The following AGXT2 variants were observed in gnomAD, a reference collection of about 807,000 sequenced individuals.
AGXT2 encodes the protein alanine--glyoxylate aminotransferase 2.
A neutral mutation model predicts 62.5 loss-of-function variants in AGXT2; 61 were observed. The observed-to-expected ratio is 0.98, with a 90% confidence interval of 0.79 to 1.21. The LOEUF (loss-of-function observed/expected upper bound fraction) is 1.21. AGXT2 is among the 50% of genes most tolerant of loss of function. The probability of loss-of-function intolerance (pLI) is 0.00; values close to 1 mark genes in which losing one functional copy is unlikely to be tolerated. For missense variants in AGXT2, 666 were observed against 641.5 expected (o/e 1.04, Z -0.41); for synonymous variants, 243 against 218.7 (o/e 1.11, Z -0.98).
chr5:35,000,907 T>C (rs1766207166), intron 13 of AGXT2, among the ~76,000 whole-genome samples: 1 of 152,188 alleles, frequency 6.6e-6, no homozygotes, highest in Admixed American at 6.5e-5. Flanking sequence ...TACACATTAG[T>C]AGAAATTGTA....
At chr5:35,034,242 T>C (rs1225609420) in intron 5 of AGXT2, among the ~76,000 whole-genome samples, 1 of 152,120 alleles carries the variant, frequency 6.6e-6, no homozygotes, top group Non-Finnish European at 1.5e-5. Flanking sequence ...ACCGACCTAA[T>C]GTATCTTGAA....
intron 7 of AGXT2, among the ~76,000 whole-genome samples, chr5:35,032,013 C>T (rs1375960349): frequency 7.0e-6 from 1 of 143,412 alleles, no homozygotes; most frequent in Non-Finnish European, 1.5e-5. Context: ...AGTGCAGTGG[C>T]GTTATCTCAG....
At chr5:35,046,546 A>G (rs1266414100) in intron 1 of AGXT2, among the ~76,000 whole-genome samples, 1 of 152,198 alleles carries the variant, frequency 6.6e-6, no homozygotes, top group Non-Finnish European at 1.5e-5. Flanking sequence ...TTTCTTAGAT[A>G]TTCCTTATTC....
At chr5:35,026,231 G>A in intron 8 of AGXT2, 179 bp downstream of exon 8, 1 of 650,716 alleles carries the variant, frequency 1.5e-6, no homozygotes, top group South Asian at 1.9e-5. Flanking sequence ...TGGAGGAGAG[G>A]GTTTTTAAAA....
At chr5:35,025,480 A>T (rs1767299010) in intron 9 of AGXT2, among the ~76,000 whole-genome samples, 1 of 152,254 alleles carries the variant, frequency 6.6e-6, no homozygotes, top group African/African-American at 2.4e-5. Flanking sequence ...GAATTAAAAA[A>T]ATATATTGAG....
In AGXT2 at chr5:35,003,796, TC is replaced by T; in HGVS notation, c.1403del (p.Gly468AspfsTer31). 6.2e-7 allele frequency: 1 copy of T among 1,614,046 alleles called. No homozygotes were observed. Among genetic ancestry groups the T allele is most frequent in the South Asian group, 1.1e-5 (1 of 91,080 alleles). On this transcript the variant is annotated frameshift_variant, in exon 13 of 14. Transcript: ENST00000231420. LOFTEE classifies it high-confidence loss of function. Reference sequence around the variant, plus strand: ...AAATGCTGCCTCTGCCAACGAGGAGTCCCATGTGCTTGCAGTCCTCATGGAT... The same window carrying T: ...AAATGCTGCCTCTGCCAACGAGGAGTCCATGTGCTTGCAGTCCTCATGGAT... Reference protein sequence around the residue: ...NQIHEDCKHMGLLVGRGSIFS... With the variant: ...NQIHEDCKHMXLLVGRGSIFS...
chr5:35,001,743 A>T (rs1321232012), intron 13 of AGXT2, among the ~76,000 whole-genome samples: 1 of 152,182 alleles, frequency 6.6e-6, no homozygotes, highest in Admixed American at 6.5e-5. Context: ...GCCACATTTC[A>T]TGCACAGTTT....
intron 13 of AGXT2, 100 bp from the exon 14 acceptor site, chr5:34,998,926 A>G: frequency 2.4e-6 from 2 of 840,912 alleles, no homozygotes; most frequent in Non-Finnish European, 2.0e-6. Flanking sequence ...TGTGTTTAGG[A>G]TGTTTCTCAT....
intron 9 of AGXT2, among the ~76,000 whole-genome samples, chr5:35,022,018 A>C (rs1389012326): frequency 1.3e-5 from 2 of 152,178 alleles, no homozygotes; most frequent in African/African-American, 4.8e-5. Context: ...TCAAAACCAC[A>C]ATGAGATACC....
At chr5:35,030,206 T>G (rs10521021) in intron 7 of AGXT2, among the ~76,000 whole-genome samples, 41,133 of 152,138 alleles carry the variant, frequency 0.27, 6,106 homozygotes, top group Non-Finnish European at 0.34. Context: ...CCCTTGAAGA[T>G]GTGAGTTAAG....
intron 5 of AGXT2, 40 bp from the exon 6 acceptor site, chr5:35,033,593 T>C: frequency 6.5e-7 from 1 of 1,529,214 alleles, no homozygotes. Context: ...GTCAAGTTCC[T>C]GGTCCACTGA....
intron 3 of AGXT2, among the ~76,000 whole-genome samples, chr5:35,038,589 A>T (rs1026429666): frequency 1.7e-4 from 26 of 151,890 alleles, no homozygotes; most frequent in African/African-American, 6.0e-4. Context: ...CAGCTGCCTG[A>T]GGGGGGGGAC....
intron 4 of AGXT2, among the ~76,000 whole-genome samples, chr5:35,035,803 G>T (rs1464986721): frequency 6.6e-6 from 1 of 152,166 alleles, no homozygotes; most frequent in Admixed American, 6.6e-5. Context: ...CAAGCCGGGT[G>T]CGGTGGCTCA....
chr5:35,003,692 C>T, intron 13 of AGXT2, 71 bp downstream of exon 13: 1 of 1,429,778 alleles, frequency 7.0e-7, no homozygotes, highest in Non-Finnish European at 9.9e-7. Flanking sequence ...TGTGAAGAAA[C>T]TGTGACCAGC....
chr5:35,003,973 TTC>T, intron 12 of AGXT2, 112 bp from the exon 13 acceptor site: 1 of 923,682 alleles, frequency 1.1e-6, no homozygotes, highest in Non-Finnish European at 1.7e-6. Flanking sequence ...CCTCTTTTTT[TTC>T]TCTCTCCCTC....
chr5:35,036,884 G>T lies in AGXT2; in HGVS notation c.486+58C>A, dbSNP rs1363656880. 7.9e-5 allele frequency: 127 copies of T among 1,609,794 alleles called. 1 individual carries two copies. In the South Asian group the frequency reaches 1.4e-3, roughly 17 times the overall value. On this transcript the variant is annotated intron_variant, in intron 4 of 13. Coordinates refer to ENST00000231420, the MANE Select transcript of AGXT2 (RefSeq NM_031900.4). ...AGACTCCTGTCTCTTTGAGCTGGGA[G>T]CATCATACCTTTTTTTTTCCCCCAT...
intron 12 of AGXT2, among the ~76,000 whole-genome samples, chr5:35,008,925 C>A (rs567590859): frequency 3.2e-4 from 48 of 152,078 alleles, no homozygotes; most frequent in Non-Finnish European, 6.0e-4. Flanking sequence ...AGGAAAGGCA[C>A]AATTTCCTAC....
chr5:35,001,075 T>C (rs1326627559), intron 13 of AGXT2, among the ~76,000 whole-genome samples: 1 of 152,236 alleles, frequency 6.6e-6, no homozygotes, highest in East Asian at 1.9e-4. Flanking sequence ...TAAGGTATGC[T>C]GGCTAAGCTA....
At chr5:35,001,394 T>G (rs1300200269) in intron 13 of AGXT2, among the ~76,000 whole-genome samples, 1 of 152,188 alleles carries the variant, frequency 6.6e-6, no homozygotes, top group Non-Finnish European at 1.5e-5. Flanking sequence ...AACAGCCTCC[T>G]TGGCTCCCAG....
Sources: gnomAD v4.1 joint callset for allele counts (sites outside exome capture counted in the v4.1 genomes callset) on GRCh38, gnomAD v4.1.1 for gene constraint, MANE v1.5 for transcripts, NCBI Gene and HGNC (gene_info 2026-07-23, HGNC 2026-07-21) for gene names.